Variants in FAM135A observed in about 807,000 individuals in gnomAD.
The protein encoded by FAM135A is protein FAM135A.
In FAM135A, 79 loss-of-function variants were observed where a neutral mutation model predicts 146.8. The observed-to-expected ratio is 0.54, with a 90% CI of 0.45 to 0.65. The LOEUF (loss-of-function observed/expected upper bound fraction) is 0.65, where lower values mean the gene tolerates loss of function less well. FAM135A is among the 30% of genes least tolerant of loss of function. The pLI, the probability that FAM135A is intolerant of heterozygous loss-of-function variation, is 0.00. For synonymous variants in FAM135A, 562 were observed against 603.6 expected, an observed-to-expected ratio of 0.93 and a Z score of 1.01; for missense variants, 1,623 against 1,758.2, an observed-to-expected ratio of 0.92 and a Z score of 1.38.
chr6:70,533,108 T>C, intron 16 of FAM135A, 52 bp from the exon 17 acceptor site: 1 of 1,429,630 alleles, frequency 7.0e-7, no homozygotes, highest in Admixed American at 1.7e-5. Flanking sequence ...GATGGTGTAC[T>C]TTCTACCTTT....
chr6:70,519,085 A>G (rs763432774), intron 12 of FAM135A, among the ~76,000 whole-genome samples: 4 of 152,242 alleles, frequency 2.6e-5, no homozygotes, highest in African/African-American at 9.6e-5. Context: ...AAGAACATTC[A>G]TGATTCAAGG....
chr6:70,462,955 C>T (rs762616239), intron 5 of FAM135A, among the ~76,000 whole-genome samples: 2 of 150,448 alleles, frequency 1.3e-5, no homozygotes, highest in African/African-American at 5.0e-5. Context: ...TTAGTTGTCT[C>T]CTTAAGCTTT....
Position 70,524,419 on chromosome 6 carries a change from A to G in FAM135A, c.1335A>G (p.Glu445=). 2 of 1,536,054 alleles carry G rather than the reference A, an allele frequency of 1.3e-6. No homozygotes were observed. Among genetic ancestry groups the G allele is most frequent in the Non-Finnish European group, 1.7e-6 (2 of 1,143,082 alleles). The part of the protein sequence containing the change: ...ESSKMDKYET[E]ESSVAGLSSP... ...GTAAAATGGATAAATATGAGACTGA[A>G]GAAAGCTCTGTAGCAGGACTTTCTA... Residue 445 remains glutamate (E), a synonymous_variant, in exon 15 of 22, where the codon GAA becomes GAG. Coordinates refer to ENST00000418814, the MANE Select transcript of FAM135A (RefSeq NM_001162529.3).
At chr6:70,429,292 C>G (rs1770929241) in intron 4 of FAM135A, among the ~76,000 whole-genome samples, 1 of 152,148 alleles carries the variant, frequency 6.6e-6, no homozygotes, top group African/African-American at 2.4e-5. Flanking sequence ...GCGGGCAGAT[C>G]ACCAGAGGTC....
intron 12 of FAM135A, among the ~76,000 whole-genome samples, chr6:70,508,447 T>A (rs1452520023): frequency 6.6e-6 from 1 of 152,212 alleles, no homozygotes; most frequent in African/African-American, 2.4e-5. Flanking sequence ...CTTGTTGTGT[T>A]ATAATGCTTC....
chr6:70,502,520 A>G, intron 11 of FAM135A, 116 bp from the exon 12 acceptor site: 4 of 1,023,932 alleles, frequency 3.9e-6, no homozygotes, highest in Non-Finnish European at 4.2e-6. Context: ...ACAAATGCAC[A>G]TCTCTTTTTT....
chr6:70,468,504 A>G (rs972932083), intron 5 of FAM135A, among the ~76,000 whole-genome samples: 10 of 152,176 alleles, frequency 6.6e-5, no homozygotes, highest in African/African-American at 2.2e-4. Context: ...TGGGACTTGG[A>G]AGAGTGAATA....
At chr6:70,539,073 T>G (rs1797364615) in intron 20 of FAM135A, among the ~76,000 whole-genome samples, 1 of 152,082 alleles carries the variant, frequency 6.6e-6, no homozygotes, top group South Asian at 2.1e-4. Context: ...ACCTTACTTC[T>G]GACCTTATGA....
chr6:70,492,042 A>C (rs960550969), intron 11 of FAM135A, among the ~76,000 whole-genome samples: 2 of 151,942 alleles, frequency 1.3e-5, no homozygotes, highest in African/African-American at 4.8e-5. Context: ...TCATTTCAAG[A>C]AATGTAAAGA....
intron 11 of FAM135A, among the ~76,000 whole-genome samples, chr6:70,501,666 G>T (rs966326305): frequency 6.6e-6 from 1 of 152,148 alleles, no homozygotes; most frequent in African/African-American, 2.4e-5. Flanking sequence ...TGCAAAAACT[G>T]TGGGGAAAGC....
intron 12 of FAM135A, among the ~76,000 whole-genome samples, chr6:70,512,717 G>A (rs1791298031): frequency 6.6e-6 from 1 of 151,724 alleles, no homozygotes; most frequent in Admixed American, 6.6e-5. Context: ...TGGATCCATT[G>A]TCAAATATAT....
At chr6:70,455,700 A>G (rs73476866) in intron 5 of FAM135A, among the ~76,000 whole-genome samples, 1 of 152,006 alleles carries the variant, frequency 6.6e-6, no homozygotes, top group Non-Finnish European at 1.5e-5. Context: ...AAATCCTCAG[A>G]TTTTAGTTGG....
chr6:70,533,210 C>T lies in FAM135A; in HGVS notation c.3826C>T (p.Pro1276Ser). Residue 1276 changes from proline (P) to serine (S), a missense_variant, in exon 17 of 22, where the codon CCT (proline) becomes TCT (serine). Physicochemically the swap from Pro to Ser is moderately conservative, Grantham distance 74. This residue lies in a region of FAM135A where 1,061 missense variants were observed against 1,113.8 expected (regional missense o/e 0.95). Transcript: ENST00000418814. Reference protein sequence around the residue: ...LVKTYIELGLPGGRIDFLMSE... With the variant: ...LVKTYIELGLSGGRIDFLMSE... ...AAAAACTTACATTGAACTTGGATTG[C>T]CTGGGGGAAGAATTGATTTTCTTAT... is the stretch of plus-strand genomic sequence containing the variant. 2 of 1,613,106 alleles carry T rather than the reference C, an allele frequency of 1.2e-6. No individual in the cohort carries two copies. The highest frequency in any genetic ancestry group is 1.7e-6 in the Non-Finnish European group (2 of 1,179,502).
intron 5 of FAM135A, among the ~76,000 whole-genome samples, chr6:70,474,311 T>C (rs1013613373): frequency 1.3e-5 from 2 of 152,172 alleles, no homozygotes; most frequent in African/African-American, 4.8e-5. Flanking sequence ...TTGTTATTTC[T>C]GGAGCACAGG....
At chr6:70,535,830 A>AAG (rs1796690710) in intron 18 of FAM135A, 1 of 153,680 alleles carries the variant, frequency 6.5e-6, no homozygotes, top group African/African-American at 2.4e-5. Flanking sequence ...ACCAGAGAAT[A>AAG]AGAGAAACAG....
chr6:70,471,745 A>C (rs1052929811), intron 5 of FAM135A, among the ~76,000 whole-genome samples: 6 of 152,146 alleles, frequency 3.9e-5, no homozygotes, highest in African/African-American at 7.2e-5. Flanking sequence ...TTAAAAAAAG[A>C]AATTCAAATT....
intron 10 of FAM135A, among the ~76,000 whole-genome samples, chr6:70,483,388 A>G (rs1282294794): frequency 6.6e-6 from 1 of 152,180 alleles, no homozygotes; most frequent in East Asian, 1.9e-4. Flanking sequence ...CCATGTATTC[A>G]TTCTCAAAAC....
intron 20 of FAM135A, among the ~76,000 whole-genome samples, chr6:70,544,706 A>C (rs1798530962): frequency 6.6e-6 from 1 of 151,580 alleles, no homozygotes; most frequent in African/African-American, 2.4e-5. Flanking sequence ...GTGCCACTAC[A>C]CTCCAGCGGG....
Position 70,450,716 on chromosome 6 carries a change from GTTTTTTTTTTTTTTTTTTTTTTTTT to G in FAM135A, c.78-1758_78-1734del, listed in dbSNP as rs546674936. Among the ~76,000 whole-genome samples, 23 of 28,346 alleles carry G rather than the reference GTTTTTTTTTTTTTTTTTTTTTTTTT, an allele frequency of 8.1e-4. 1 individual carries two copies. The highest frequency in any genetic ancestry group is 3.6e-3 in the Admixed American group (6 of 1,664). The allele number at this position is 28,346 out of a possible 152,430, so 18.6% of individuals were successfully genotyped here. On this transcript the variant is annotated intron_variant, in intron 4 of 21. Coordinates refer to ENST00000418814, the MANE Select transcript of FAM135A (RefSeq NM_001162529.3). The stretch of plus-strand genomic sequence containing the variant: ...CTCAGGGAGTGTGACCCTTTTAGTT[GTTTTTTTTTTTTTTTTTTTTTTTTT>G]TTTTTTTTTTTTTTTTTGAGTCAGA...
Sources: gnomAD v4.1 joint callset for allele counts (sites outside exome capture counted in the v4.1 genomes callset) on GRCh38, gnomAD v4.1.1 for gene constraint, gnomAD v4.1.1 regional missense constraint, MANE v1.5 for transcripts, NCBI Gene and HGNC (gene_info 2026-07-23, HGNC 2026-07-21) for gene names.